Variants in GNG7 observed in about 807,000 individuals in gnomAD.
GNG7 encodes the protein G protein subunit gamma 7.
GNG7 carries 1 observed loss-of-function variant against 4.0 expected under a neutral mutation model. That is an observed-to-expected ratio of 0.25 (90% confidence interval 0.09 to 1.18). The LOEUF is 1.18. Ranked by LOEUF, GNG7 falls within the 50% of genes most tolerant of loss-of-function variation. The probability of loss-of-function intolerance (pLI) is 0.50; values close to 1 mark genes in which losing one functional copy is unlikely to be tolerated. For missense variants in GNG7, 86 were observed against 91.9 expected, an observed-to-expected ratio of 0.94 and a Z score of 0.26; for synonymous variants, 34 against 36.9, an observed-to-expected ratio of 0.92 and a Z score of 0.29.
intron 1 of GNG7, among the ~76,000 whole-genome samples, chr19:2,697,680 C>T (rs111648186): frequency 3.3e-5 from 5 of 152,274 alleles, no homozygotes; most frequent in African/African-American, 9.6e-5. Context: ...AGCGGCCGGG[C>T]GCGGTGGCTC....
intron 3 of GNG7, among the ~76,000 whole-genome samples, chr19:2,522,751 CAAAAAAAAAAAA>C (rs59490251): frequency 2.3e-5 from 1 of 43,894 alleles, no homozygotes; most frequent in African/African-American, 9.7e-5. Context: ...GACTCTGTCT[CAAAAAAAAAAAA>C]AAAAAAAAAA....
At chr19:2,569,066 T>C (rs879678027) in intron 2 of GNG7, among the ~76,000 whole-genome samples, 2 of 150,834 alleles carry the variant, frequency 1.3e-5, no homozygotes, top group Non-Finnish European at 3.0e-5. Flanking sequence ...CGCACACACA[T>C]ACACACAAGC....
intron 1 of GNG7, among the ~76,000 whole-genome samples, chr19:2,655,668 C>A (rs1982947372): frequency 6.6e-6 from 1 of 151,724 alleles, no homozygotes; most frequent in South Asian, 2.1e-4. Context: ...GAAACTTTGT[C>A]TCTACTAAAA....
chr19:2,528,185 C>T (rs545902911), intron 3 of GNG7, among the ~76,000 whole-genome samples: 3 of 144,868 alleles, frequency 2.1e-5, no homozygotes, highest in Admixed American at 6.9e-5. Context: ...GCACAAGAAT[C>T]GCTTGAACCC....
intron 2 of GNG7, among the ~76,000 whole-genome samples, chr19:2,607,554 T>A (rs1169736237): frequency 2.7e-3 from 91 of 33,332 alleles, no homozygotes; most frequent in South Asian, 3.6e-3. Context: ...AAAGAAAGAC[T>A]AAAATGGTAA....
chr19:2,530,465 A>T (rs1342849316), intron 3 of GNG7, among the ~76,000 whole-genome samples: 1 of 140,560 alleles, frequency 7.1e-6, no homozygotes, highest in South Asian at 2.3e-4. Flanking sequence ...TCAAGCCTGT[A>T]ATCCCAGCAC....
chr19:2,648,033 A>G (rs1982713878), intron 1 of GNG7, among the ~76,000 whole-genome samples: 1 of 149,102 alleles, frequency 6.7e-6, no homozygotes, highest in African/African-American at 2.5e-5. Context: ...GTCTCAAAAA[A>G]AAAAAAAAAA....
chr19:2,674,792 G>C (rs988339080), intron 1 of GNG7, among the ~76,000 whole-genome samples: 1 of 152,210 alleles, frequency 6.6e-6, no homozygotes, highest in African/African-American at 2.4e-5. Flanking sequence ...AAGTCAGGGA[G>C]TGTTGAAGAA....
intron 2 of GNG7, among the ~76,000 whole-genome samples, chr19:2,606,293 G>A (rs552419365): frequency 6.6e-5 from 10 of 152,188 alleles, no homozygotes; most frequent in Admixed American, 1.3e-4. Flanking sequence ...GATCACTTGA[G>A]CCCAGGAGTT....
At position 2,557,725 on chromosome 19, in the gene GNG7, G is replaced by T. The variant is rs1411463399; in HGVS notation, c.-77-2537C>A. On this transcript the variant is annotated intron_variant, in intron 2 of 4. Transcript: ENST00000382159. The surrounding 1 kb of genome is among the most constrained non-coding windows in gnomAD (Gnocchi z 5.1). The stretch of plus-strand genomic sequence containing the variant: ...GGATGCTGGGGCCACCTCACCTGCA[G>T]CCCCGGGTCAGCCTCAGAACCCACA... 6.6e-6 allele frequency among the ~76,000 whole-genome samples: 1 copy of T among 152,156 alleles called. No individual in the cohort carries two copies. Among genetic ancestry groups the T allele is most frequent in the African/African-American group, 2.4e-5 (1 of 41,438 alleles).
chr19:2,518,833 C>G (rs1484276200), intron 4 of GNG7, among the ~76,000 whole-genome samples: 1 of 151,876 alleles, frequency 6.6e-6, no homozygotes, highest in Non-Finnish European at 1.5e-5. Context: ...CTCACCCTGT[C>G]GCTTGGGGTT....
chr19:2,599,913 G>C lies in GNG7; in HGVS notation c.-77-44725C>G, dbSNP rs1462025835. 4.6e-4 allele frequency among the ~76,000 whole-genome samples: 70 copies of C among 151,422 alleles called. 1 individual carries two copies. On this transcript the variant is annotated intron_variant, in intron 2 of 4. Transcript: ENST00000382159. ...GATGGCGCCACCGCACTCCAGCCTGGGCAACAGAGCAAGACTCCATCTCAA... is the reference window on the plus strand; with the variant it reads ...GATGGCGCCACCGCACTCCAGCCTGCGCAACAGAGCAAGACTCCATCTCAA...
In GNG7 at chr19:2,578,860, G is replaced by A. The variant is rs374791928; in HGVS notation, c.-77-23672C>T. Among the ~76,000 whole-genome samples, 19 of 152,348 alleles carry A rather than the reference G, an allele frequency of 1.2e-4. 1 individual carries two copies. In the East Asian group the frequency reaches 2.1e-3, roughly 17 times the overall value. On this transcript the variant is annotated intron_variant, in intron 2 of 4. Coordinates refer to ENST00000382159, the MANE Select transcript of GNG7 (RefSeq NM_052847.3). ...GATTTTAAGGTCACAGAGCTGGGAA[G>A]GGGTGGATCGGGGCCTCAAACCCCT...
At chr19:2,536,714 T>C (rs1978748366) in intron 3 of GNG7, among the ~76,000 whole-genome samples, 1 of 152,118 alleles carries the variant, frequency 6.6e-6, no homozygotes, top group South Asian at 2.1e-4. Flanking sequence ...TCCCCTGGAC[T>C]TCCCTGAGCC....
chr19:2,661,302 G>GAAAGAAAGAAAGAAAGAAAAAGAA lies in GNG7; in HGVS notation c.-134-15023_-134-15022insTTCTTTTTCTTTCTTTCTTTCTTT. ...AGAAAGAAAGAAAGAAAGAAAGAAA[G>GAAAGAAAGAAAGAAAGAAAAAGAA]AGAAAGAAAGAAAGAAAGAAAGAAA... On this transcript the variant is annotated intron_variant, in intron 1 of 4. Coordinates refer to ENST00000382159, the MANE Select transcript of GNG7 (RefSeq NM_052847.3). Among the ~76,000 whole-genome samples the GAAAGAAAGAAAGAAAGAAAAAGAA allele has an allele frequency of 3.4e-3, 245 of 73,116 alleles. 9 individuals are homozygous for GAAAGAAAGAAAGAAAGAAAAAGAA. Among genetic ancestry groups the GAAAGAAAGAAAGAAAGAAAAAGAA allele is most frequent in the African/African-American group, 5.2e-3 (96 of 18,500 alleles). 48.0% of individuals were successfully genotyped at this position (73,116 alleles called of 152,430 possible).
intron 2 of GNG7, among the ~76,000 whole-genome samples, chr19:2,573,029 T>G (rs1227277896): frequency 6.6e-6 from 1 of 150,444 alleles, no homozygotes; most frequent in East Asian, 1.9e-4. Context: ...CTTTTTTTTT[T>G]TTTTTTTTTG....
chr19:2,576,443 G>T (rs1230691779), intron 2 of GNG7, among the ~76,000 whole-genome samples: 2 of 152,250 alleles, frequency 1.3e-5, no homozygotes, highest in African/African-American at 4.8e-5. Flanking sequence ...GGCCGCGGCA[G>T]GCGGGGGACG....
chr19:2,624,860 G>A (rs2045499268), intron 2 of GNG7, among the ~76,000 whole-genome samples: 1 of 152,268 alleles, frequency 6.6e-6, no homozygotes, highest in African/African-American at 2.4e-5. Context: ...TGTTTACTGA[G>A]CTTGCAGAAT....
chr19:2,597,704 G>C (rs1313573974), intron 2 of GNG7, among the ~76,000 whole-genome samples: 2 of 150,964 alleles, frequency 1.3e-5, no homozygotes, highest in Non-Finnish European at 2.9e-5. Context: ...AGACCATCCT[G>C]GCTAACACGG....
Sources: allele counts gnomAD v4.1 joint callset (sites outside exome capture counted in the v4.1 genomes callset), GRCh38; gene constraint gnomAD v4.1.1; non-coding constraint Gnocchi (gnomAD v3.1); transcripts MANE v1.5; gene names NCBI Gene and HGNC (gene_info 2026-07-23, HGNC 2026-07-21).